SPATA17: variants seen among roughly 807,000 people sequenced by gnomAD.
SPATA17 encodes spermatogenesis-associated protein 17.
In SPATA17, 53 loss-of-function variants were observed where a neutral mutation model predicts 62.2. That is an observed-to-expected ratio of 0.85 (90% CI 0.68 to 1.07). The LOEUF is 1.07. Among genes scored for constraint, SPATA17 ranks in the 50% least tolerant of loss-of-function variants. The pLI is 0.00. For missense variants in SPATA17, 466 were observed against 425.5 expected, an observed-to-expected ratio of 1.10 and a Z score of -0.84; for synonymous variants, 146 against 146.8, an observed-to-expected ratio of 0.99 and a Z score of 0.04.
At chr1:217,647,569 T>G (rs1670214572) in intron 1 of SPATA17, among the ~76,000 whole-genome samples, 1 of 152,136 alleles carries the variant, frequency 6.6e-6, no homozygotes, top group Admixed American at 6.5e-5. Context: ...GTGGCAAATA[T>G]TATGAAGCTA....
At chr1:217,634,216 G>A (rs942651157) in intron 1 of SPATA17, among the ~76,000 whole-genome samples, 7 of 152,140 alleles carry the variant, frequency 4.6e-5, no homozygotes, top group Non-Finnish European at 7.4e-5. Context: ...TTATCAAGAC[G>A]GCAATTGCAA....
intron 1 of SPATA17, among the ~76,000 whole-genome samples, chr1:217,632,363 C>A (rs981142109): frequency 3.4e-4 from 52 of 152,220 alleles, no homozygotes; most frequent in African/African-American, 1.3e-3. Context: ...TTTAAAGAAG[C>A]ATTGCCCCAG....
intron 9 of SPATA17, among the ~76,000 whole-genome samples, chr1:217,820,623 C>T (rs1310200522): frequency 6.6e-6 from 1 of 151,700 alleles, no homozygotes; most frequent in African/African-American, 2.4e-5. Flanking sequence ...TGAGTTCAAT[C>T]TTGAACATGT....
chr1:217,772,119 A>T (rs10746370), intron 6 of SPATA17, among the ~76,000 whole-genome samples: 25,368 of 133,448 alleles, frequency 0.19, 2,585 homozygotes, highest in East Asian at 0.47. Context: ...TATAACATTT[A>T]TTTTTTTCTT....
chr1:217,753,348 A>G (rs1183816569), intron 6 of SPATA17, among the ~76,000 whole-genome samples: 2 of 152,220 alleles, frequency 1.3e-5, no homozygotes, highest in African/African-American at 2.4e-5. Flanking sequence ...TGTGCTATAC[A>G]TAATCATCGG....
At chr1:217,716,811 T>C (rs1351795865) in intron 5 of SPATA17, among the ~76,000 whole-genome samples, 1 of 152,190 alleles carries the variant, frequency 6.6e-6, no homozygotes, top group East Asian at 1.9e-4. Context: ...GCTCAGTAAA[T>C]GGAGGGCAAT....
intron 7 of SPATA17, among the ~76,000 whole-genome samples, chr1:217,777,752 C>T (rs912764555): frequency 6.6e-6 from 1 of 152,038 alleles, no homozygotes; most frequent in African/African-American, 2.4e-5. Flanking sequence ...TTATCTGAAT[C>T]TGATCATTCG....
chr1:217,652,355 C>T lies in SPATA17; in HGVS notation c.240+1177C>T, dbSNP rs142215946. Among the ~76,000 whole-genome samples the T allele has an allele frequency of 4.6e-3, 698 of 152,268 alleles. 9 individuals carry two copies. Among genetic ancestry groups the T allele is most frequent in the Middle Eastern group, 0.014 (4 of 294 alleles). ...CAAGCGATTCTCCTGCCTTAGCTTT[C>T]TGAGTAGCTGGGATTACAGGCTCCA... is the stretch of plus-strand genomic sequence containing the variant. On this transcript the variant is annotated intron_variant, in intron 3 of 10. Coordinates refer to ENST00000366933, the MANE Select transcript of SPATA17 (RefSeq NM_138796.4).
intron 4 of SPATA17, among the ~76,000 whole-genome samples, chr1:217,676,576 G>T (rs369546319): frequency 5.5e-4 from 84 of 152,136 alleles, no homozygotes; most frequent in African/African-American, 1.6e-3. Context: ...AAACATAATG[G>T]GGACATATAA....
At chr1:217,797,684 A>G (rs1674182969) in intron 8 of SPATA17, among the ~76,000 whole-genome samples, 1 of 152,132 alleles carries the variant, frequency 6.6e-6, no homozygotes, top group Admixed American at 6.6e-5. Context: ...AATGTCATTT[A>G]CCCATATTTC....
At chr1:217,855,911 G>C (rs1468172528) in intron 9 of SPATA17, among the ~76,000 whole-genome samples, 1 of 151,798 alleles carries the variant, frequency 6.6e-6, no homozygotes, top group Non-Finnish European at 1.5e-5. Context: ...ATTTTTAGTA[G>C]AGATGGGGTT....
intron 6 of SPATA17, among the ~76,000 whole-genome samples, chr1:217,761,155 C>G (rs1029035826): frequency 6.6e-6 from 1 of 152,190 alleles, no homozygotes; most frequent in Non-Finnish European, 1.5e-5. Flanking sequence ...GAGATCTGCA[C>G]ACTGCTCATC....
intron 3 of SPATA17, among the ~76,000 whole-genome samples, chr1:217,667,423 CATA>C (rs1167757951): frequency 2.0e-5 from 3 of 152,130 alleles, no homozygotes; most frequent in African/African-American, 7.2e-5. Context: ...TAATCCCTTT[CATA>C]ATGACTATTA....
At chr1:217,732,514 C>T (rs533122372) in intron 5 of SPATA17, among the ~76,000 whole-genome samples, 8 of 152,282 alleles carry the variant, frequency 5.3e-5, no homozygotes, top group African/African-American at 1.9e-4. Flanking sequence ...ACTGTAGCTA[C>T]CTCAATTCTG....
intron 6 of SPATA17, among the ~76,000 whole-genome samples, chr1:217,761,937 G>C (rs1673182292): frequency 6.6e-6 from 1 of 152,152 alleles, no homozygotes; most frequent in African/African-American, 2.4e-5. Flanking sequence ...TGCTGCAGAG[G>C]TCACCCGTCA....
intron 8 of SPATA17, among the ~76,000 whole-genome samples, chr1:217,794,184 G>C (rs1474690508): frequency 6.6e-6 from 1 of 151,616 alleles, no homozygotes; most frequent in East Asian, 1.9e-4. Context: ...TTTGGCTATT[G>C]GGGAGTCATT....
chr1:217,769,878 T>C (rs1365582925), intron 6 of SPATA17, among the ~76,000 whole-genome samples: 3 of 152,206 alleles, frequency 2.0e-5, no homozygotes, highest in Admixed American at 2.0e-4. Flanking sequence ...GCAAGAGTAA[T>C]TGAATGTAGA....
chr1:217,771,372 C>A (rs898366221), intron 6 of SPATA17, among the ~76,000 whole-genome samples: 2 of 151,916 alleles, frequency 1.3e-5, no homozygotes, highest in African/African-American at 4.8e-5. Context: ...ATACCATAGT[C>A]CCTGAGGATT....
chr1:217,721,191 A>G (rs1350628809), intron 5 of SPATA17, among the ~76,000 whole-genome samples: 3 of 152,192 alleles, frequency 2.0e-5, no homozygotes, highest in Admixed American at 6.5e-5. Flanking sequence ...CTAGATATCA[A>G]TTTACTTTGG....
Sources: gnomAD v4.1 joint callset for allele counts (sites outside exome capture counted in the v4.1 genomes callset) on GRCh38, gnomAD v4.1.1 for gene constraint, MANE v1.5 for transcripts, NCBI Gene and HGNC (gene_info 2026-07-23, HGNC 2026-07-21) for gene names.